Variants in WNT7B observed in about 807,000 individuals in gnomAD.
WNT7B encodes Wnt family member 7B, also known as protein Wnt-7b.
In WNT7B, 19 loss-of-function variants were observed where a neutral mutation model predicts 38.2. That is an observed-to-expected ratio of 0.50 (90% confidence interval 0.35 to 0.73). The LOEUF is 0.73. WNT7B is among the 30% of genes least tolerant of loss of function. The probability of loss-of-function intolerance (pLI) is 0.01; values close to 1 mark genes in which losing one functional copy is unlikely to be tolerated. For missense variants in WNT7B, 423 were observed against 507.9 expected (o/e 0.83, Z 1.61); for synonymous variants, 243 against 209.3 (o/e 1.16, Z -1.39).
intron 3 of WNT7B, chr22:45,925,319 GC>G (rs1831737209): frequency 1.0e-6 from 1 of 985,300 alleles, no homozygotes; most frequent in African/African-American, 1.7e-5. Flanking sequence ...TTTCTGCTCT[GC>G]ATCAGTGATG....
In WNT7B at chr22:45,975,743, G is replaced by A. The variant is rs1034537379; in HGVS notation, c.71+941C>T. On this transcript the variant is annotated intron_variant, in intron 1 of 3. Transcript: ENST00000339464. The surrounding 1 kb of genome is among the most constrained non-coding windows in gnomAD (Gnocchi z 6.6). The stretch of plus-strand genomic sequence containing the variant: ...GCAGCCGGCGGCGCACAGTAGGCGC[G>A]CAGGGCGCGGCGGGGCCCGGGTCCC... 3 of 398,310 alleles carry A rather than the reference G, an allele frequency of 7.5e-6. No homozygotes were observed. The highest frequency in any genetic ancestry group is 1.3e-5 in the Non-Finnish European group (3 of 222,288). 24.7% of individuals were successfully genotyped at this position (398,310 alleles called of 1,614,324 possible).
At chr22:45,950,759 C>T (rs1931913607) in intron 1 of WNT7B, among the ~76,000 whole-genome samples, 2 of 152,248 alleles carry the variant, frequency 1.3e-5, no homozygotes, top group African/African-American at 4.8e-5. Context: ...CCATCCCCCA[C>T]CACCCAACCA....
chr22:45,966,667 G>A lies in WNT7B; in HGVS notation c.71+10017C>T, dbSNP rs1032671744. ...CTGCAAAGGCTGCTTGGGGGAGCAG[G>A]ACGTTAGTGTCTTCTGCACACAGCC... On this transcript the variant is annotated intron_variant, in intron 1 of 3. Transcript: ENST00000339464. This position sits in a 1 kb window ranked among gnomAD's most constrained non-coding sequence, Gnocchi z 4.2. Among the ~76,000 whole-genome samples the A allele has an allele frequency of 6.6e-6, 1 of 152,172 alleles. No individual in the cohort carries two copies. The highest frequency in any genetic ancestry group is 1.5e-5 in the Non-Finnish European group (1 of 68,038).
intron 2 of WNT7B, among the ~76,000 whole-genome samples, chr22:45,949,666 C>T (rs1200983852): frequency 6.6e-6 from 1 of 152,340 alleles, no homozygotes; most frequent in Admixed American, 6.5e-5. Flanking sequence ...CACGTCACGA[C>T]GATGTCCTCC....
At chr22:45,952,471 G>A (rs1931956022) in intron 1 of WNT7B, among the ~76,000 whole-genome samples, 1 of 152,250 alleles carries the variant, frequency 6.6e-6, no homozygotes, top group Admixed American at 6.5e-5. Context: ...GTGGGGCTGG[G>A]AGCGGGCTGG....
In WNT7B at chr22:45,954,615, G is replaced by A. The variant is rs983442941; in HGVS notation, c.72-4469C>T. On this transcript the variant is annotated intron_variant, in intron 1 of 3. Coordinates refer to ENST00000339464, the MANE Select transcript of WNT7B (RefSeq NM_058238.3). ...GCCCCCAGCAGCCCCCTGCGTGCCC[G>A]TGCATGGGTTAAAGGGGAAGTAAAG... The A allele has an allele frequency of 1.7e-5, 17 of 985,238 alleles. 1 individual carries two copies. The South Asian group carries it at 5.2e-4, about 30-fold the overall frequency. The allele number at this position is 985,238 out of a possible 1,614,324, so 61.0% of individuals were successfully genotyped here.
chr22:45,933,579 A>AT (rs1931434465), intron 2 of WNT7B, among the ~76,000 whole-genome samples: 3 of 152,186 alleles, frequency 2.0e-5, no homozygotes, highest in Admixed American at 2.0e-4. Context: ...GGAGGGGGCA[A>AT]TAAACCAAGA....
intron 1 of WNT7B, among the ~76,000 whole-genome samples, chr22:45,953,906 G>C (rs1187119789): frequency 2.6e-5 from 4 of 152,242 alleles, no homozygotes; most frequent in African/African-American, 9.6e-5. Context: ...CCACCCCTTG[G>C]CATAGATTCA....
intron 3 of WNT7B, chr22:45,925,615 C>G (rs769512679): frequency 4.1e-6 from 4 of 985,292 alleles, no homozygotes; most frequent in Non-Finnish European, 4.8e-6. Flanking sequence ...GCTCCCTGTT[C>G]ATCTCTGCTG....
In WNT7B at chr22:45,951,519, G is replaced by A. The variant is rs773742169; in HGVS notation, c.72-1373C>T. ...CCCAGATATTTCTGCCACCCCAGAA[G>A]GAAACTGTACCCATCAGTCACTCCC... On this transcript the variant is annotated intron_variant, in intron 1 of 3. Transcript: ENST00000339464. This position sits in a 1 kb window ranked among gnomAD's most constrained non-coding sequence, Gnocchi z 4.8. Among the ~76,000 whole-genome samples, 5 of 151,808 alleles carry A rather than the reference G, an allele frequency of 3.3e-5. No individual in the cohort carries two copies. The highest frequency in any genetic ancestry group is 1.2e-4 in the African/African-American group (5 of 41,394).
intron 3 of WNT7B, among the ~76,000 whole-genome samples, chr22:45,929,977 C>T (rs911695636): frequency 6.6e-6 from 1 of 150,578 alleles, no homozygotes; most frequent in African/African-American, 2.5e-5. Context: ...TCCATCCATC[C>T]AACAATAACT....
intron 1 of WNT7B, among the ~76,000 whole-genome samples, chr22:45,970,734 C>G (rs556817543): frequency 5.4e-4 from 82 of 152,156 alleles, no homozygotes; most frequent in Middle Eastern, 3.4e-3. Flanking sequence ...GGCCTCCAAC[C>G]GCTAGACGCT....
At chr22:45,942,302 G>A (rs1197538731) in intron 2 of WNT7B, among the ~76,000 whole-genome samples, 1 of 152,214 alleles carries the variant, frequency 6.6e-6, no homozygotes, top group Non-Finnish European at 1.5e-5. Context: ...GGGCCCAGGT[G>A]GGGCCCCACA....
At chr22:45,930,672 C>G (rs976919827) in intron 3 of WNT7B, among the ~76,000 whole-genome samples, 21 of 152,200 alleles carry the variant, frequency 1.4e-4, no homozygotes, top group African/African-American at 4.6e-4. Context: ...CTGGGGGCAT[C>G]CCTTCCTTGC....
intron 3 of WNT7B, among the ~76,000 whole-genome samples, chr22:45,929,396 CCTTCCATCCACCCGTGAATCCACT>C (rs1438024426): frequency 6.9e-6 from 1 of 145,236 alleles, no homozygotes; most frequent in African/African-American, 2.5e-5. Flanking sequence ...ACCCATCCAT[CCTTCCATCCACCCGTGAATCCACT>C]CATCCATCCA....
chr22:45,953,649 C>T (rs1262701595), intron 1 of WNT7B, among the ~76,000 whole-genome samples: 2 of 150,992 alleles, frequency 1.3e-5, no homozygotes, highest in Admixed American at 1.3e-4. Context: ...CGCTCAACCT[C>T]AGTAATCACT....
intron 2 of WNT7B, among the ~76,000 whole-genome samples, chr22:45,932,510 C>T (rs745665407): frequency 1.4e-4 from 22 of 152,272 alleles, no homozygotes; most frequent in Middle Eastern, 3.4e-3. Flanking sequence ...GCCCTACCAG[C>T]GGGGACTTCC....
chr22:45,944,516 G>A (rs532895918), intron 2 of WNT7B, among the ~76,000 whole-genome samples: 6 of 152,346 alleles, frequency 3.9e-5, no homozygotes, highest in South Asian at 2.1e-4. Context: ...CCAGTTGTCC[G>A]TACAGTCCTG....
chr22:45,973,965 C>G (rs1451922011), intron 1 of WNT7B, among the ~76,000 whole-genome samples: 2 of 152,130 alleles, frequency 1.3e-5, no homozygotes, highest in South Asian at 4.1e-4. Flanking sequence ...CATACAACCT[C>G]TGATCTTTGG....
Sources: allele counts gnomAD v4.1 joint callset (sites outside exome capture counted in the v4.1 genomes callset), GRCh38; gene constraint gnomAD v4.1.1; non-coding constraint Gnocchi (gnomAD v3.1); transcripts MANE v1.5; gene names NCBI Gene and HGNC (gene_info 2026-07-23, HGNC 2026-07-21).